The following ATPSCKMT variants were observed in gnomAD, a reference collection of about 807,000 sequenced individuals.
ATPSCKMT encodes the protein ATP synthase subunit C lysine N-methyltransferase.
In ATPSCKMT, 24 loss-of-function variants were observed where a neutral mutation model predicts 24.3. The ratio of observed to expected loss-of-function variants is 0.99; its 90% CI spans 0.71 to 1.39. The LOEUF is 1.39. Among genes scored for constraint, ATPSCKMT ranks in the 40% most tolerant of loss-of-function variants. The probability of loss-of-function intolerance (pLI) is 0.00; values close to 1 mark genes in which losing one functional copy is unlikely to be tolerated. For missense variants in ATPSCKMT, 311 were observed against 298.4 expected (o/e 1.04, Z -0.31); for synonymous variants, 95 against 110.5 (o/e 0.86, Z 0.88).
At position 10,236,934 on chromosome 5, in the gene ATPSCKMT, G is replaced by A. The variant is rs188597950; in HGVS notation, c.307-319C>T. ...CGGGGAGGTCGAACAAAACATTGCTGAAAATCCACTGCATCTCTCCATCAG... is the reference window on the plus strand; with the variant it reads ...CGGGGAGGTCGAACAAAACATTGCTAAAAATCCACTGCATCTCTCCATCAG... On this transcript the variant is annotated intron_variant, in intron 2 of 4. Coordinates refer to ENST00000511437, the MANE Select transcript of ATPSCKMT (RefSeq NM_199133.4). 2.4e-5 allele frequency: 32 copies of A among 1,345,380 alleles called. No homozygotes were observed. In the Admixed American group the frequency reaches 4.9e-4, roughly 20 times the overall value. 83.3% of individuals were successfully genotyped at this position (1,345,380 alleles called of 1,614,324 possible).
At chr5:10,236,113 A>C (rs1018367651) in intron 3 of ATPSCKMT, 2 of 166,130 alleles carry the variant, frequency 1.2e-5, no homozygotes, top group African/African-American at 4.8e-5. Context: ...AAATATACGA[A>C]TATGCATACA....
In ATPSCKMT at chr5:10,227,649, T is replaced by C. The variant is rs1474621916; in HGVS notation, c.496-2A>G. The C allele has an allele frequency of 6.2e-7, 1 of 1,613,714 alleles. No individual in the cohort carries two copies. The highest frequency in any genetic ancestry group is 1.3e-5 in the African/African-American group (1 of 74,918). ...AAGTTTCTTCTCCAACTGCAGCATC[T>C]GTGGAGAGTAACAGCTATTATTTTA... On this transcript the variant is annotated splice_acceptor_variant, in intron 4 of 4. Coordinates refer to ENST00000511437, the MANE Select transcript of ATPSCKMT (RefSeq NM_199133.4). LOFTEE classifies it high-confidence loss of function.
intron 4 of ATPSCKMT, among the ~76,000 whole-genome samples, chr5:10,232,140 T>C (rs1744167568): frequency 6.6e-6 from 1 of 152,082 alleles, no homozygotes; most frequent in Non-Finnish European, 1.5e-5. Flanking sequence ...AGGCTGGGGC[T>C]GCAGTGAGCC....
Position 10,234,409 on chromosome 5 carries a change from G to A in ATPSCKMT, c.495+802C>T, listed in dbSNP as rs183238763. Among the ~76,000 whole-genome samples the A allele has an allele frequency of 6.6e-4, 100 of 152,046 alleles. 4 individuals are homozygous for A. In the South Asian group the frequency reaches 0.02, roughly 31 times the overall value. Reference sequence around the variant, plus strand: ...ATATGGCATTATACTGAAGGTCTTAGTAGTAGAAATACATTTCTCAAGCAC... The same window carrying A: ...ATATGGCATTATACTGAAGGTCTTAATAGTAGAAATACATTTCTCAAGCAC... On this transcript the variant is annotated intron_variant, in intron 4 of 4. Coordinates refer to ENST00000511437, the MANE Select transcript of ATPSCKMT (RefSeq NM_199133.4).
chr5:10,239,259 G>A lies in ATPSCKMT; in HGVS notation c.114C>T (p.Phe38=), dbSNP rs760172064. Residue 38 remains phenylalanine, a synonymous_variant, in exon 2 of 5, where the codon TTC becomes TTT. Transcript: ENST00000511437. The stretch of plus-strand genomic sequence containing the variant: ...TGCCACCCACAAGCCCAGTAAGTAA[G>A]AACCCCCAGTTGCTTTTCTGCAAAC... ...VNSLQKSNWG[F]LLTGLVGGTL... is the part of the protein sequence containing the mutation. 1.2e-6 allele frequency: 2 copies of A among 1,614,188 alleles called. No individual in the cohort carries two copies. Among genetic ancestry groups the A allele is most frequent in the South Asian group, 2.2e-5 (2 of 91,086 alleles).
At chr5:10,241,956 T>C (rs1744663731) in intron 1 of ATPSCKMT, among the ~76,000 whole-genome samples, 1 of 152,246 alleles carries the variant, frequency 6.6e-6, no homozygotes, top group Non-Finnish European at 1.5e-5. Context: ...TGATTTATCT[T>C]CGAAAAATTT....
intron 1 of ATPSCKMT, among the ~76,000 whole-genome samples, chr5:10,245,189 G>A (rs1449847156): frequency 6.6e-6 from 1 of 152,140 alleles, no homozygotes; most frequent in African/African-American, 2.4e-5. Context: ...GGGAGGCTAA[G>A]GCGGGCAGAT....
rs1335136906 is a variant in ATPSCKMT at position 10,239,250 on chromosome 5, A to G, written c.123T>C (p.Thr41=). Residue 41 remains threonine, a synonymous_variant, in exon 2 of 5, where the codon ACT becomes ACC. Transcript: ENST00000511437. The part of the protein sequence containing the change: ...LQKSNWGFLL[T]GLVGGTLVAV... ...CCACCAGGGTGCCACCCACAAGCCC[A>G]GTAAGTAAGAACCCCCAGTTGCTTT... 1 of 1,614,114 alleles carries G rather than the reference A, an allele frequency of 6.2e-7. No individual in the cohort carries two copies. The highest frequency in any genetic ancestry group is 1.7e-5 in the Admixed American group (1 of 60,008).
chr5:10,236,372 TTTAA>T, intron 3 of ATPSCKMT, 102 bp downstream of exon 3: 1 of 1,313,072 alleles, frequency 7.6e-7, no homozygotes, highest in Non-Finnish European at 1.0e-6. Context: ...TCACTTGGAT[TTTAA>T]TTATTTTTCT....
Position 10,236,504 on chromosome 5 carries a change from T to G in ATPSCKMT, c.418A>C (p.Lys140Gln). 1 of 1,614,220 alleles carries G rather than the reference T, an allele frequency of 6.2e-7. No individual in the cohort carries two copies. The change falls in exon 3 of 5, where the codon AAA becomes CAA. Residue 140 changes from lysine (K) to glutamine (Q), a missense_variant. Transcript: ENST00000511437. The part of the protein sequence containing the change: ...AWREGVHGSA[K>Q]FYISDLWKVT... ...TTCCACAAATCTGAAATATAAAATT[T>G]GGCAGATCCATGCACACCTTCTCGC...
At chr5:10,228,909 C>T (rs753815066) in intron 4 of ATPSCKMT, among the ~76,000 whole-genome samples, 3 of 152,140 alleles carry the variant, frequency 2.0e-5, no homozygotes, top group Non-Finnish European at 4.4e-5. Context: ...GGACTACAGG[C>T]GTGAGCCACT....
chr5:10,247,433 C>A (rs545285500), intron 1 of ATPSCKMT, among the ~76,000 whole-genome samples: 1 of 152,224 alleles, frequency 6.6e-6, no homozygotes, highest in Non-Finnish European at 1.5e-5. Flanking sequence ...CTTGACCTCT[C>A]AGGCTCAAAC....
In ATPSCKMT at chr5:10,239,105, C is replaced by G; in HGVS notation, c.268G>C (p.Gly90Arg). The change falls in exon 2 of 5, where the codon GGA becomes CGA. Residue 90 changes from glycine to arginine, a missense_variant. By Grantham distance (125) the Gly-to-Arg change is moderately radical (BLOSUM62 -2). Transcript: ENST00000511437. ...NVVKMLRCRRGSLVDIGSGDG... is the reference protein window; with the variant it reads ...NVVKMLRCRRRSLVDIGSGDG... ...CCACTACCGATGTCCACAAGGGATC[C>G]TCTTCGGCATCGCAACATTTTCACA... 1 of 1,614,198 alleles carries G rather than the reference C, an allele frequency of 6.2e-7. No individual in the cohort carries two copies. The highest frequency in any genetic ancestry group is 1.1e-5 in the South Asian group (1 of 91,088).
intron 1 of ATPSCKMT, among the ~76,000 whole-genome samples, chr5:10,245,633 G>C (rs1744882539): frequency 6.6e-6 from 1 of 151,866 alleles, no homozygotes; most frequent in South Asian, 2.1e-4. Context: ...TGTGGTCCCT[G>C]CTACTTGGGA....
At chr5:10,240,190 C>T (rs1260413293) in intron 1 of ATPSCKMT, among the ~76,000 whole-genome samples, 1 of 150,766 alleles carries the variant, frequency 6.6e-6, no homozygotes, top group Non-Finnish European at 1.5e-5. Flanking sequence ...GCCGAGATCG[C>T]ACCACTGCAC....
intron 1 of ATPSCKMT, among the ~76,000 whole-genome samples, chr5:10,245,191 C>T (rs754852947): frequency 7.9e-5 from 12 of 152,058 alleles, no homozygotes; most frequent in Admixed American, 2.0e-4. Flanking sequence ...GAGGCTAAGG[C>T]GGGCAGATCA....
At chr5:10,245,826 T>C (rs1744894175) in intron 1 of ATPSCKMT, among the ~76,000 whole-genome samples, 1 of 152,200 alleles carries the variant, frequency 6.6e-6, no homozygotes, top group Non-Finnish European at 1.5e-5. Flanking sequence ...ACAAAGCATT[T>C]AGCACAAGCC....
intron 4 of ATPSCKMT, among the ~76,000 whole-genome samples, chr5:10,234,355 A>G (rs975199589): frequency 6.6e-6 from 1 of 152,188 alleles, no homozygotes; most frequent in African/African-American, 2.4e-5. Flanking sequence ...TTACAAAAGC[A>G]TTTCTAAATT....
chr5:10,245,965 T>C (rs1468561073), intron 1 of ATPSCKMT, among the ~76,000 whole-genome samples: 1 of 152,132 alleles, frequency 6.6e-6, no homozygotes, highest in Admixed American at 6.5e-5. Context: ...TTAAAGTATA[T>C]AATTTAATGT....
Sources: gnomAD v4.1 joint callset for allele counts (sites outside exome capture counted in the v4.1 genomes callset) on GRCh38, gnomAD v4.1.1 for gene constraint, MANE v1.5 for transcripts, NCBI Gene and HGNC (gene_info 2026-07-23, HGNC 2026-07-21) for gene names.